The following SLC8A1 variants were observed in gnomAD, a reference collection of about 807,000 sequenced individuals.
The protein encoded by SLC8A1 is solute carrier family 8 member A1.
Under a neutral mutation model 68.3 loss-of-function variants are expected in SLC8A1, and 18 were observed. The observed-to-expected ratio is 0.26, with a 90% CI of 0.18 to 0.39. The LOEUF (loss-of-function observed/expected upper bound fraction) is 0.39. SLC8A1 is among the 10% of genes least tolerant of loss of function. The pLI is 1.00. For synonymous variants in SLC8A1, 475 were observed against 415.5 expected, an observed-to-expected ratio of 1.14 and a Z score of -1.74; for missense variants, 985 against 1,156.7, an observed-to-expected ratio of 0.85 and a Z score of 2.15.
intron 2 of SLC8A1, among the ~76,000 whole-genome samples, chr2:40,426,776 C>G (rs1415143442): frequency 6.6e-6 from 1 of 151,980 alleles, no homozygotes; most frequent in Admixed American, 6.6e-5. Flanking sequence ...ACACGCAGTA[C>G]ACTTTTAGAT....
At chr2:40,172,338 C>A (rs1434007184) in intron 4 of SLC8A1, among the ~76,000 whole-genome samples, 1 of 152,114 alleles carries the variant, frequency 6.6e-6, no homozygotes, top group African/African-American at 2.4e-5. Flanking sequence ...TTGGAACATT[C>A]TCTTGTTCTA....
intron 5 of SLC8A1, among the ~76,000 whole-genome samples, chr2:40,163,641 T>A (rs545580147): frequency 6.6e-6 from 1 of 152,310 alleles, no homozygotes; most frequent in South Asian, 2.1e-4. Context: ...GGGGGTCTAA[T>A]GATCGGGGTC....
chr2:40,323,408 T>C (rs952611911), intron 2 of SLC8A1, among the ~76,000 whole-genome samples: 2 of 152,182 alleles, frequency 1.3e-5, no homozygotes, highest in African/African-American at 4.8e-5. Flanking sequence ...TTTCTTCACC[T>C]GGTTTTTAAA....
At chr2:40,373,248 T>C (rs1678737029) in intron 2 of SLC8A1, among the ~76,000 whole-genome samples, 1 of 152,104 alleles carries the variant, frequency 6.6e-6, no homozygotes, top group Non-Finnish European at 1.5e-5. Context: ...GGTATGTGAT[T>C]CTATCTCTTT....
intron 2 of SLC8A1, among the ~76,000 whole-genome samples, chr2:40,310,340 C>T (rs2073446103): frequency 6.6e-6 from 1 of 152,160 alleles, no homozygotes; most frequent in Admixed American, 6.5e-5. Flanking sequence ...ACATGAAAAA[C>T]TGCCCAGAAC....
At chr2:40,368,191 T>C (rs1275793540) in intron 2 of SLC8A1, among the ~76,000 whole-genome samples, 2 of 152,064 alleles carry the variant, frequency 1.3e-5, no homozygotes, top group East Asian at 3.9e-4. Flanking sequence ...ACTCATGGTT[T>C]GATGGTGAAC....
At chr2:40,158,234 T>C (rs2044963604) in intron 6 of SLC8A1, among the ~76,000 whole-genome samples, 1 of 152,204 alleles carries the variant, frequency 6.6e-6, no homozygotes. Context: ...CTTCAATAAA[T>C]GCTGCTTTAC....
chr2:40,099,078 T>C (rs770938847), exon 8 of SLC8A1: 7 of 152,032 alleles, frequency 4.6e-5, no homozygotes, highest in Non-Finnish European at 1.0e-4. Context: ...AATCAACTCA[T>C]TAATACTAGA....
intron 1 of SLC8A1, among the ~76,000 whole-genome samples, chr2:40,432,852 G>T (rs1186410979): frequency 6.6e-6 from 1 of 152,092 alleles, no homozygotes; most frequent in East Asian, 1.9e-4. Flanking sequence ...AAGGAGACCA[G>T]ATTTTGCCTA....
At chr2:40,386,051 T>A (rs1683455886) in intron 2 of SLC8A1, among the ~76,000 whole-genome samples, 1 of 151,288 alleles carries the variant, frequency 6.6e-6, no homozygotes. Context: ...GCTTTTGAGC[T>A]CCAAATAAAT....
chr2:40,185,384 C>G (rs113332069), intron 2 of SLC8A1, among the ~76,000 whole-genome samples: 47 of 152,238 alleles, frequency 3.1e-4, no homozygotes, highest in Admixed American at 1.0e-3. Flanking sequence ...GTGGTGTATC[C>G]ACACAGGGGA....
intron 2 of SLC8A1, among the ~76,000 whole-genome samples, chr2:40,298,222 A>T (rs1218036532): frequency 1.3e-5 from 2 of 152,164 alleles, no homozygotes; most frequent in Admixed American, 1.3e-4. Context: ...CTGCTGACTG[A>T]GGCTAATTAG....
intron 2 of SLC8A1, among the ~76,000 whole-genome samples, chr2:40,237,521 A>G (rs1310908060): frequency 6.6e-6 from 1 of 151,502 alleles, no homozygotes; most frequent in East Asian, 1.9e-4. Flanking sequence ...TTTTTTTCAA[A>G]GTTTTCAACT....
intron 2 of SLC8A1, among the ~76,000 whole-genome samples, chr2:40,249,334 A>G (rs1269209884): frequency 6.6e-6 from 1 of 152,228 alleles, no homozygotes. Flanking sequence ...TAAAGAGAAC[A>G]GTGGTTGCAA....
At chr2:40,436,197 C>G (rs929933369) in intron 1 of SLC8A1, among the ~76,000 whole-genome samples, 2 of 152,024 alleles carry the variant, frequency 1.3e-5, no homozygotes, top group African/African-American at 4.8e-5. Flanking sequence ...GAGGTATTCC[C>G]AGTTCCTAGA....
chr2:40,209,821 A>T (rs2056240843), intron 2 of SLC8A1: 1 of 152,492 alleles, frequency 6.6e-6, no homozygotes, highest in Non-Finnish European at 1.5e-5. Context: ...AAGACACAGG[A>T]GGGGAGGCAC....
chr2:40,139,419 G>A (rs966487873), exon 7 of SLC8A1: 16 of 1,614,144 alleles, frequency 9.9e-6, no homozygotes, highest in Non-Finnish European at 1.4e-5. Flanking sequence ...GATGTTCCAA[G>A]TGCGACGAAC....
At chr2:40,232,005 A>G (rs2059712169) in intron 2 of SLC8A1, among the ~76,000 whole-genome samples, 1 of 152,118 alleles carries the variant, frequency 6.6e-6, no homozygotes, top group South Asian at 2.1e-4. Context: ...GAAGAATCTA[A>G]TAAAATCCAA....
At chr2:40,157,831 C>T (rs537747293) in intron 6 of SLC8A1, among the ~76,000 whole-genome samples, 18 of 152,304 alleles carry the variant, frequency 1.2e-4, no homozygotes, top group South Asian at 6.2e-4. Context: ...GATGTAACTG[C>T]TTAATCGCTT....
Sources: gnomAD v4.1 joint callset for allele counts (sites outside exome capture counted in the v4.1 genomes callset) on GRCh38, gnomAD v4.1.1 for gene constraint, MANE v1.5 for transcripts, NCBI Gene and HGNC (gene_info 2026-07-23, HGNC 2026-07-21) for gene names.